SLC49A3: variants seen among roughly 807,000 people sequenced by gnomAD.
SLC49A3 encodes solute carrier family 49 member 3, also known as solute carrier family 49 member A3.
SLC49A3 carries 50 observed loss-of-function variants against 43.8 expected under a neutral mutation model. That is an observed-to-expected ratio of 1.14 (90% CI 0.91 to 1.45). The LOEUF (loss-of-function observed/expected upper bound fraction) is 1.45. Among genes scored for constraint, SLC49A3 ranks in the 40% most tolerant of loss-of-function variants. The pLI is 0.00. For missense variants in SLC49A3, 906 were observed against 774.1 expected (o/e 1.17, Z -2.02); for synonymous variants, 413 against 352.0 (o/e 1.17, Z -1.94).
chr4:689,259 C>A (rs536666547), upstream of SLC49A3: 564 of 490,566 alleles, frequency 1.1e-3, 2 homozygotes, highest in Middle Eastern at 2.5e-3. Context: ...GCCAGTTCCG[C>A]CCCAAGGACT....
At chr4:682,616 C>T (rs544985972) in intron 9 of SLC49A3, among the ~76,000 whole-genome samples, 165 bp downstream of exon 9, 2 of 152,188 alleles carry the variant, frequency 1.3e-5, no homozygotes, top group East Asian at 3.9e-4. Flanking sequence ...CTCGGCCACA[C>T]CTGTCCTGGC....
At chr4:680,687 C>A, downstream of SLC49A3, 3 of 1,222,986 alleles carry the variant, frequency 2.5e-6, no homozygotes, top group Non-Finnish European at 1.2e-6. Flanking sequence ...CCACGCCCAC[C>A]TCCCCACCTC....
upstream of SLC49A3, among the ~76,000 whole-genome samples, chr4:690,479 C>G (rs747072407): frequency 1.3e-5 from 2 of 152,204 alleles, no homozygotes; most frequent in Non-Finnish European, 2.9e-5. Context: ...AGCCCCCTCA[C>G]AACCTTCCTC....
In SLC49A3 at chr4:685,986, C is replaced by T. The variant is rs917558133; in HGVS notation, c.509-75G>A. ...TCGCCAGCCCACAGGCAGAACCTTC[C>T]GGGCCCCAGCTCCTCCACCCTGGCC... is the stretch of plus-strand genomic sequence containing the variant. On this transcript the variant is annotated intron_variant, in intron 3 of 9. Transcript: ENST00000322224. This position sits in a 1 kb window ranked among gnomAD's most constrained non-coding sequence, Gnocchi z 4.3. The T allele has an allele frequency of 2.3e-4, 373 of 1,608,578 alleles. No individual in the cohort carries two copies. Among genetic ancestry groups the T allele is most frequent in the Non-Finnish European group, 2.9e-4 (347 of 1,177,398 alleles).
chr4:686,690 G>A lies in SLC49A3; in HGVS notation c.136C>T (p.Leu46=). The A allele has an allele frequency of 1.2e-6, 2 of 1,612,416 alleles. No homozygotes were observed. Among genetic ancestry groups the A allele is most frequent in the Non-Finnish European group, 1.7e-6 (2 of 1,179,682 alleles). ...GCCACAGGTGCAAAGCTGAGCCACA[G>A]CTGCAGGGGTCAGGCGGGAGTCAGC... ...ISLLNCSNAT[L]WLSFAPVADV... The change falls in exon 2 of 10, where the codon CTG becomes TTG. Residue 46 remains leucine (L), a splice_region_variant and synonymous_variant. Transcript: ENST00000322224.
In SLC49A3 at chr4:685,384, A is replaced by G. The variant is rs146971796; in HGVS notation, c.585+451T>C. On this transcript the variant is annotated intron_variant, in intron 4 of 9. Transcript: ENST00000322224. The surrounding 1 kb of genome is among the most constrained non-coding windows in gnomAD (Gnocchi z 4.3). ...GCACCGCACACACCACACACACTCA[A>G]TACACACAGGCAGGCATAGAAACAT... is the stretch of plus-strand genomic sequence containing the variant. Among the ~76,000 whole-genome samples, 553 of 151,552 alleles carry G rather than the reference A, an allele frequency of 3.6e-3. 2 individuals carry two copies. Among genetic ancestry groups the G allele is most frequent in the African/African-American group, 0.013 (532 of 41,290 alleles).
Position 682,769 on chromosome 4 carries a change from T to C in SLC49A3, c.1261+12A>G, listed in dbSNP as rs780436273. The C allele has an allele frequency of 7.1e-6, 11 of 1,553,038 alleles. 1 individual carries two copies. The highest frequency in any genetic ancestry group is 5.9e-5 in the South Asian group (5 of 85,144). On this transcript the variant is annotated intron_variant, in intron 9 of 9. Transcript: ENST00000322224. ...TGTCCTGTTCCCTGGGGACTCCCCA[T>C]GTGAGGCTCACCTGTCCAGTCAAGT...
At position 685,097 on chromosome 4, in the gene SLC49A3, A is replaced by G; in HGVS notation, c.586-241T>C. On this transcript the variant is annotated intron_variant, in intron 4 of 9. Transcript: ENST00000322224. This position sits in a 1 kb window ranked among gnomAD's most constrained non-coding sequence, Gnocchi z 4.3. ...CAGTGACACCCTCCTGGCTGATGTTAGCCCAGCACCCCCAGGCTCCAGACT... is the reference window on the plus strand; with the variant it reads ...CAGTGACACCCTCCTGGCTGATGTTGGCCCAGCACCCCCAGGCTCCAGACT... 1.8e-6 allele frequency: 1 copy of G among 559,238 alleles called. No homozygotes were observed. The highest frequency in any genetic ancestry group is 4.6e-4 in the Middle Eastern group (1 of 2,162). 34.6% of individuals were successfully genotyped at this position (559,238 alleles called of 1,614,324 possible). A position where few individuals can be genotyped will look rare whatever the true frequency, so the allele number is the denominator to read the frequency against.
At position 686,687 on chromosome 4, in the gene SLC49A3, A is replaced by T. The variant is rs371505462; in HGVS notation, c.139T>A (p.Trp47Arg). The stretch of plus-strand genomic sequence containing the variant: ...TCAGCCACAGGTGCAAAGCTGAGCC[A>T]CAGCTGCAGGGGTCAGGCGGGAGTC... ...SLLNCSNATL[W>R]LSFAPVADVI... The change falls in exon 2 of 10, where the codon TGG (tryptophan) becomes AGG (arginine). Residue 47 changes from tryptophan to arginine, a missense_variant. Transcript: ENST00000322224. 9.3e-6 allele frequency: 15 copies of T among 1,612,466 alleles called. No individual in the cohort carries two copies. In the African/African-American group the frequency reaches 1.9e-4, roughly 20 times the overall value.
chr4:678,904 C>A (rs186928809), downstream of SLC49A3: 24 of 1,608,132 alleles, frequency 1.5e-5, no homozygotes, highest in African/African-American at 2.5e-4. Context: ...GAGCAGGGGG[C>A]GGGGCAGAGC....
chr4:679,476 C>T (rs1739223059), downstream of SLC49A3, among the ~76,000 whole-genome samples: 1 of 152,208 alleles, frequency 6.6e-6, no homozygotes, highest in African/African-American at 2.4e-5. Flanking sequence ...GCACACTGCC[C>T]TCCCCAGCTT....
downstream of SLC49A3, chr4:679,075 C>G (rs375462955): frequency 6.4e-7 from 1 of 1,572,260 alleles, no homozygotes; most frequent in East Asian, 2.2e-5. Flanking sequence ...TTGGAGGAGG[C>G]GAACACAGAG....
chr4:688,178 A>C (rs979751998), intron 1 of SLC49A3: 1 of 152,414 alleles, frequency 6.6e-6, no homozygotes, highest in Non-Finnish European at 1.5e-5. Context: ...AAGCCACAGC[A>C]GTGAGTTACG....
At position 684,813 on chromosome 4, in the gene SLC49A3, G is replaced by A. The variant is rs1419214424; in HGVS notation, c.629C>T (p.Ser210Phe). 23 of 1,612,454 alleles carry A rather than the reference G, an allele frequency of 1.4e-5. No individual in the cohort carries two copies. Among genetic ancestry groups the A allele is most frequent in the South Asian group, 5.5e-5 (5 of 91,084 alleles). The change falls in exon 5 of 10, where the codon TCC (serine) becomes TTC (phenylalanine). Residue 210 changes from serine to phenylalanine, a missense_variant. Coordinates refer to ENST00000322224, the MANE Select transcript of SLC49A3 (RefSeq NM_032219.4). ...CACACTCTCCCACAGGCAGATGGTG[G>A]ACAGCAGGCAGACGACGCCAGCAGG... ...TIPAGVVCLL[S>F]TICLWESVPP...
chr4:681,153 G>A (rs754982294), downstream of SLC49A3: 7 of 1,601,148 alleles, frequency 4.4e-6, no homozygotes, highest in South Asian at 2.2e-5. Context: ...CTGGCCCGCG[G>A]CTTCCCTGCC....
chr4:689,229 G>T, upstream of SLC49A3: 1 of 794,978 alleles, frequency 1.3e-6, no homozygotes, highest in Non-Finnish European at 1.7e-6. Flanking sequence ...GTGGGGCCGG[G>T]CCGGGCCGGG....
upstream of SLC49A3, among the ~76,000 whole-genome samples, chr4:690,266 C>T (rs1741768944): frequency 6.6e-6 from 1 of 151,334 alleles, no homozygotes; most frequent in Non-Finnish European, 1.5e-5. Flanking sequence ...AAATGGAGCT[C>T]ACCCGGGGTG....
chr4:680,865 G>A (rs951276221), downstream of SLC49A3: 5 of 641,802 alleles, frequency 7.8e-6, no homozygotes, highest in South Asian at 5.8e-5. Context: ...AGTACCAGGC[G>A]CTGGCCTGTA....
Position 685,088 on chromosome 4 carries a change from G to A in SLC49A3, c.586-232C>T. 1 of 568,140 alleles carries A rather than the reference G, an allele frequency of 1.8e-6. No homozygotes were observed. The highest frequency in any genetic ancestry group is 3.5e-5 in the Admixed American group (1 of 28,296). The allele number at this position is 568,140 out of a possible 1,614,324, so 35.2% of individuals were successfully genotyped here. A position where few individuals can be genotyped will look rare whatever the true frequency, so the allele number is the denominator to read the frequency against. On this transcript the variant is annotated intron_variant, in intron 4 of 9. Transcript: ENST00000322224. The surrounding 1 kb of genome is among the most constrained non-coding windows in gnomAD (Gnocchi z 4.3). ...ATCCCTCACCAGTGACACCCTCCTGGCTGATGTTAGCCCAGCACCCCCAGG... is the reference window on the plus strand; with the variant it reads ...ATCCCTCACCAGTGACACCCTCCTGACTGATGTTAGCCCAGCACCCCCAGG...
Sources: gnomAD v4.1 joint callset for allele counts (sites outside exome capture counted in the v4.1 genomes callset) on GRCh38, gnomAD v4.1.1 for gene constraint, Gnocchi (gnomAD v3.1) non-coding constraint, MANE v1.5 for transcripts, NCBI Gene and HGNC (gene_info 2026-07-23, HGNC 2026-07-21) for gene names.